The following PBX4 variants were observed in gnomAD, a reference collection of about 807,000 sequenced individuals.
PBX4 encodes PBX homeobox 4, also known as pre-B-cell leukemia transcription factor 4.
PBX4 carries 26 observed loss-of-function variants against 35.1 expected under a neutral mutation model. The ratio of observed to expected loss-of-function variants is 0.74; its 90% CI spans 0.54 to 1.03. PBX4 has a LOEUF of 1.03. Ranked by LOEUF, PBX4 falls within the 50% of genes least tolerant of loss-of-function variation. PBX4 has a pLI of 0.00. For synonymous variants in PBX4, 199 were observed against 204.2 expected (o/e 0.97, Z 0.22); for missense variants, 448 against 504.3 (o/e 0.89, Z 1.07).
chr19:19,571,776 T>C (rs1372953165), intron 2 of PBX4, among the ~76,000 whole-genome samples: 1 of 152,128 alleles, frequency 6.6e-6, no homozygotes, highest in African/African-American at 2.4e-5. Context: ...CTCACGCCTG[T>C]AATCCTAGCA....
intron 1 of PBX4, among the ~76,000 whole-genome samples, chr19:19,617,316 T>C (rs2061693580): frequency 6.6e-6 from 1 of 152,064 alleles, no homozygotes; most frequent in African/African-American, 2.4e-5. Flanking sequence ...GCTTATACTT[T>C]TTTGCTTTTG....
intron 1 of PBX4, among the ~76,000 whole-genome samples, chr19:19,610,218 A>G (rs1429154447): frequency 6.6e-6 from 1 of 152,174 alleles, no homozygotes; most frequent in Non-Finnish European, 1.5e-5. Flanking sequence ...GTTCGAGACC[A>G]GCCTGAACAA....
At chr19:19,585,601 C>T (rs1341839570) in intron 2 of PBX4, among the ~76,000 whole-genome samples, 1 of 152,208 alleles carries the variant, frequency 6.6e-6, no homozygotes, top group African/African-American at 2.4e-5. Context: ...TGCACGTATA[C>T]ATCCAGATGG....
At chr19:19,596,561 C>T (rs2061562294) in intron 2 of PBX4, among the ~76,000 whole-genome samples, 1 of 152,042 alleles carries the variant, frequency 6.6e-6, no homozygotes, top group Non-Finnish European at 1.5e-5. Flanking sequence ...AACACCCCAA[C>T]AGCAATGAGC....
chr19:19,590,439 T>C (rs886411938), intron 2 of PBX4, among the ~76,000 whole-genome samples: 1 of 152,056 alleles, frequency 6.6e-6, no homozygotes, highest in Non-Finnish European at 1.5e-5. Context: ...CTCCATTGCA[T>C]GGATGGACCA....
chr19:19,562,054 C>T lies in PBX4; in HGVS notation c.1096G>A (p.Gly366Ser), dbSNP rs779543575. 2.5e-6 allele frequency: 4 copies of T among 1,613,248 alleles called. No individual in the cohort carries two copies. Among genetic ancestry groups the T allele is most frequent in the South Asian group, 1.1e-5 (1 of 90,844 alleles). ...TTAGATGTACTGGAGTTGATGCTGC[C>T]AGGGTCTCCAGCAGGTGAGGCAGTT... ...PATASPAGDPGSINSSTSN is the reference protein window; with the variant it reads ...PATASPAGDPSSINSSTSN Residue 366 changes from glycine to serine, a missense_variant, in exon 8 of 8, where the codon GGC becomes AGC. Gly to Ser is a moderately conservative substitution (Grantham distance 56). Transcript: ENST00000251203. The surrounding 1 kb of genome is among the most constrained non-coding windows in gnomAD (Gnocchi z 4.8).
At chr19:19,580,272 C>A (rs977838546) in intron 2 of PBX4, among the ~76,000 whole-genome samples, 1 of 152,188 alleles carries the variant, frequency 6.6e-6, no homozygotes, top group African/African-American at 2.4e-5. Context: ...TTCTAGAAAC[C>A]TTTTGAGGCT....
In PBX4 at chr19:19,578,488, G is replaced by C. The variant is rs558314360; in HGVS notation, c.194-7655C>G. On this transcript the variant is annotated intron_variant, in intron 2 of 7. Transcript: ENST00000251203. ...CAGAGCTTCTCAGCTGTGCTCCTCA[G>C]CTCCCCCAGGGCCCTTGACTGGCAG... Among the ~76,000 whole-genome samples, 971 of 152,246 alleles carry C rather than the reference G, an allele frequency of 6.4e-3. 8 individuals carry two copies. The highest frequency in any genetic ancestry group is 0.022 in the African/African-American group (916 of 41,548).
At chr19:19,600,612 A>C (rs925391707) in intron 1 of PBX4, among the ~76,000 whole-genome samples, 15 of 151,960 alleles carry the variant, frequency 9.9e-5, no homozygotes, top group Admixed American at 3.3e-4. Flanking sequence ...TGAGGTCAGG[A>C]ATTTGAGACC....
chr19:19,583,786 A>G (rs2061471400), intron 2 of PBX4, among the ~76,000 whole-genome samples: 1 of 151,900 alleles, frequency 6.6e-6, no homozygotes, highest in African/African-American at 2.4e-5. Flanking sequence ...CCCCATCTCT[A>G]CTAAAAATAG....
intron 2 of PBX4, among the ~76,000 whole-genome samples, chr19:19,578,407 G>A (rs1324329200): frequency 6.6e-6 from 1 of 152,018 alleles, no homozygotes; most frequent in African/African-American, 2.4e-5. Context: ...GCCTAATTAT[G>A]GTCATTAGAC....
At chr19:19,564,769 A>T in intron 6 of PBX4, 164 bp downstream of exon 6, 1 of 863,438 alleles carries the variant, frequency 1.2e-6, no homozygotes, top group Non-Finnish European at 1.8e-6. Flanking sequence ...GGTTGGGATC[A>T]TGGCCAAGAG....
rs533254775 is a variant in PBX4, at chr19:19,583,646, A to G, written c.194-12813T>C. On this transcript the variant is annotated intron_variant, in intron 2 of 7. Coordinates refer to ENST00000251203, the MANE Select transcript of PBX4 (RefSeq NM_025245.3). ...AAGATACAGAAAATTAACAAAATCA[A>G]TTAAAACCCTTGGGCAAACCTGGTC... Among the ~76,000 whole-genome samples, 6 of 152,108 alleles carry G rather than the reference A, an allele frequency of 3.9e-5. No homozygotes were observed. The East Asian group carries it at 9.7e-4, about 25-fold the overall frequency.
intron 2 of PBX4, among the ~76,000 whole-genome samples, chr19:19,581,127 G>C (rs2061451721): frequency 6.6e-6 from 1 of 152,224 alleles, no homozygotes; most frequent in Non-Finnish European, 1.5e-5. Flanking sequence ...GGCCAGCACA[G>C]ACACCAGCAT....
At chr19:19,603,866 A>G (rs981647983) in intron 1 of PBX4, among the ~76,000 whole-genome samples, 5 of 151,132 alleles carry the variant, frequency 3.3e-5, no homozygotes, top group East Asian at 2.0e-4. Flanking sequence ...ATGAGGCAGG[A>G]TAATTTAATT....
intron 2 of PBX4, among the ~76,000 whole-genome samples, chr19:19,574,230 G>A (rs975495096): frequency 3.9e-5 from 6 of 152,066 alleles, no homozygotes; most frequent in Non-Finnish European, 8.8e-5. Context: ...CAGGAATGAG[G>A]GCATCAGGAT....
intron 2 of PBX4, among the ~76,000 whole-genome samples, chr19:19,589,448 A>C (rs139069372): frequency 0.015 from 2,274 of 151,770 alleles, 79 homozygotes; most frequent in South Asian, 0.076. Flanking sequence ...AAATAAATAA[A>C]TAACTAAAGA....
chr19:19,600,279 C>CTGCCTTG (rs2061589189), intron 1 of PBX4, among the ~76,000 whole-genome samples: 1 of 151,846 alleles, frequency 6.6e-6, no homozygotes, highest in Non-Finnish European at 1.5e-5. Flanking sequence ...GTAATCTCAA[C>CTGCCTTG]GCTTTGGGAG....
In PBX4 at chr19:19,561,976, G is replaced by A. The variant is rs1205497179; in HGVS notation, c.*49C>T. 6.7e-7 allele frequency: 1 copy of A among 1,501,336 alleles called. No homozygotes were observed. The highest frequency in any genetic ancestry group is 9.1e-7 in the Non-Finnish European group (1 of 1,095,630). 93.0% of individuals were successfully genotyped at this position (1,501,336 alleles called of 1,614,324 possible). On this transcript the variant is annotated 3_prime_UTR_variant, in exon 8 of 8. Coordinates refer to ENST00000251203, the MANE Select transcript of PBX4 (RefSeq NM_025245.3). The stretch of plus-strand genomic sequence containing the variant: ...ACGTTCAGTAACAAAGCAACGGCTG[G>A]CGATACATGGCAGCTCACGCAGCGC...
Sources: allele counts gnomAD v4.1 joint callset (sites outside exome capture counted in the v4.1 genomes callset), GRCh38; gene constraint gnomAD v4.1.1; non-coding constraint Gnocchi (gnomAD v3.1); transcripts MANE v1.5; gene names NCBI Gene and HGNC (gene_info 2026-07-23, HGNC 2026-07-21).